Variants in THAP6 observed in about 807,000 individuals in gnomAD.
The protein encoded by THAP6 is THAP domain-containing protein 6.
A neutral mutation model predicts 20.0 loss-of-function variants in THAP6; 13 were observed. The observed-to-expected ratio is 0.65, with a 90% CI of 0.42 to 1.03. THAP6 has a LOEUF of 1.03. Ranked by LOEUF, THAP6 falls within the 50% of genes least tolerant of loss-of-function variation. THAP6 has a pLI of 0.00. For missense variants in THAP6, 262 were observed against 261.6 expected (o/e 1.00, Z -0.01); for synonymous variants, 93 against 92.2 (o/e 1.01, Z -0.05).
At position 75,529,080 on chromosome 4, in the gene THAP6, A is replaced by G; in HGVS notation, c.*1866A>G. ...AAAAACAAAACTACTTTCATTAATT[A>G]CCCATTATTTATTTTAGTTACTTAA... On this transcript the variant is annotated 3_prime_UTR_variant, in exon 5 of 5. Coordinates refer to ENST00000311638, the MANE Select transcript of THAP6 (RefSeq NM_144721.6). The G allele has an allele frequency of 4.2e-6, 4 of 954,704 alleles. No individual in the cohort carries two copies. The highest frequency in any genetic ancestry group is 5.0e-6 in the Non-Finnish European group (4 of 802,098). The allele number at this position is 954,704 out of a possible 1,614,324, so 59.1% of individuals were successfully genotyped here. A position where few individuals can be genotyped will look rare whatever the true frequency, so the allele number is the denominator to read the frequency against.
At chr4:75,514,403 T>C (rs1725344024), upstream of THAP6, 1 of 1,192,348 alleles carries the variant, frequency 8.4e-7, no homozygotes, top group Non-Finnish European at 1.2e-6. Flanking sequence ...AGCGACAATA[T>C]GGCTCCTAAG....
At chr4:75,540,711 C>G (rs1404240353) in intron 2 of THAP6, among the ~76,000 whole-genome samples, 2 of 152,154 alleles carry the variant, frequency 1.3e-5, no homozygotes, top group Non-Finnish European at 2.9e-5. Context: ...CATTCAGCTA[C>G]AGACTTGCCA....
chr4:75,514,263 A>G (rs769018604), upstream of THAP6: 4 of 1,612,594 alleles, frequency 2.5e-6, no homozygotes, highest in Non-Finnish European at 1.7e-6. Flanking sequence ...CGCTGGCGCC[A>G]TCTTCCCGGG....
intron 4 of THAP6, among the ~76,000 whole-genome samples, chr4:75,523,033 G>GT (rs1726129206): frequency 6.6e-6 from 1 of 152,178 alleles, no homozygotes; most frequent in Non-Finnish European, 1.5e-5. Flanking sequence ...CTTCCAAACT[G>GT]TTCTCCATAG....
chr4:75,536,680 G>A (rs1312112378), intron 2 of THAP6, among the ~76,000 whole-genome samples: 1 of 151,976 alleles, frequency 6.6e-6, no homozygotes, highest in Admixed American at 6.6e-5. Context: ...GCTAATTTTT[G>A]TATTTTTTGT....
In THAP6 at chr4:75,529,589, T is replaced by G; in HGVS notation, c.*2375T>G. On this transcript the variant is annotated 3_prime_UTR_variant, in exon 5 of 5. Transcript: ENST00000311638. The stretch of plus-strand genomic sequence containing the variant: ...CAAACAAATGCCTAAACACAGTATG[T>G]ATCTCAGTCCTCTGTTCCCAGAGAT... 1 of 985,430 alleles carries G rather than the reference T, an allele frequency of 1.0e-6. No homozygotes were observed. Among genetic ancestry groups the G allele is most frequent in the Non-Finnish European group, 1.2e-6 (1 of 829,946 alleles). 61.0% of individuals were successfully genotyped at this position (985,430 alleles called of 1,614,324 possible).
intron 4 of THAP6, among the ~76,000 whole-genome samples, chr4:75,525,241 C>G (rs1726290087): frequency 6.6e-6 from 1 of 151,906 alleles, no homozygotes; most frequent in Non-Finnish European, 1.5e-5. Flanking sequence ...CCAATTTTTC[C>G]CCTCCTTCAG....
Position 75,528,074 on chromosome 4 carries a change from A to T in THAP6, c.*860A>T, listed in dbSNP as rs960239119. On this transcript the variant is annotated 3_prime_UTR_variant, in exon 5 of 5. Coordinates refer to ENST00000311638, the MANE Select transcript of THAP6 (RefSeq NM_144721.6). ...TGTAAAGTAGTATTGCTGACATTTTAAAAAAATACAAAATACAAAAGAAAC... is the reference window on the plus strand; with the variant it reads ...TGTAAAGTAGTATTGCTGACATTTTTAAAAAATACAAAATACAAAAGAAAC... The T allele has an allele frequency of 1.4e-5, 14 of 983,828 alleles. No homozygotes were observed. In the South Asian group the frequency reaches 1.9e-4, roughly 13 times the overall value. The allele number at this position is 983,828 out of a possible 1,614,324, so 60.9% of individuals were successfully genotyped here. A position where few individuals can be genotyped will look rare whatever the true frequency, so the allele number is the denominator to read the frequency against.
chr4:75,528,677 G>A lies in THAP6; in HGVS notation c.*1463G>A, dbSNP rs1235611130. 42 of 984,646 alleles carry A rather than the reference G, an allele frequency of 4.3e-5. No individual in the cohort carries two copies. Among genetic ancestry groups the A allele is most frequent in the East Asian group, 1.1e-4 (1 of 8,806 alleles). 61.0% of individuals were successfully genotyped at this position (984,646 alleles called of 1,614,324 possible). A position where few individuals can be genotyped will look rare whatever the true frequency, so the allele number is the denominator to read the frequency against. On this transcript the variant is annotated 3_prime_UTR_variant, in exon 5 of 5. Coordinates refer to ENST00000311638, the MANE Select transcript of THAP6 (RefSeq NM_144721.6). The stretch of plus-strand genomic sequence containing the variant: ...TAAATGGGATTTAACCCACATCTGC[G>A]AGATCAGCGTTATGCTAAGAGGAAA...
downstream of THAP6, among the ~76,000 whole-genome samples, chr4:75,533,288 C>T (rs2148827354): frequency 6.6e-6 from 1 of 152,324 alleles, no homozygotes; most frequent in East Asian, 1.9e-4. Flanking sequence ...TCAAGAGTCA[C>T]CTTTGCTCCA....
intron 2 of THAP6, among the ~76,000 whole-genome samples, chr4:75,539,636 G>A (rs942652609): frequency 2.0e-5 from 3 of 152,272 alleles, no homozygotes; most frequent in African/African-American, 7.2e-5. Context: ...CAAACCAGCT[G>A]GGGAGAACCA....
Position 75,546,020 on chromosome 4 carries a change from G to GT in THAP6, c.243+3541dup, listed in dbSNP as rs370264630. 5.3e-5 allele frequency among the ~76,000 whole-genome samples: 8 copies of GT among 152,280 alleles called. 1 individual carries two copies. Among genetic ancestry groups the GT allele is most frequent in the Non-Finnish European group, 8.8e-5 (6 of 68,032 alleles). ...TGGCCTAAGAGGTTTCATCTTTAGGGTTTTTTTCCTTCTCAGGCTGCTAGC... is the reference window on the plus strand; with the variant it reads ...TGGCCTAAGAGGTTTCATCTTTAGGGTTTTTTTTCCTTCTCAGGCTGCTAGC... On this transcript the variant is annotated intron_variant, in intron 3 of 4. Transcript: ENST00000502620.
At chr4:75,542,548 A>G in intron 3 of THAP6, 3 of 686,258 alleles carry the variant, frequency 4.4e-6, no homozygotes, top group South Asian at 3.1e-5. Flanking sequence ...CAACAACCCT[A>G]TAAGGTAGGT....
chr4:75,514,986 A>G (rs550963028), intron 1 of THAP6: 123 of 168,088 alleles, frequency 7.3e-4, no homozygotes, highest in African/African-American at 2.7e-3. Context: ...AATCACTGCA[A>G]TAAATGTAAG....
In THAP6 at chr4:75,515,519, CTGACATTTCACG is replaced by C; in HGVS notation, c.70_80+1del. 6.2e-7 allele frequency: 1 copy of C among 1,613,902 alleles called. No individual in the cohort carries two copies. The highest frequency in any genetic ancestry group is 2.2e-5 in the East Asian group (1 of 44,866). On this transcript the variant is annotated inframe_deletion and splice_region_variant, in exon 2 of 5. Coordinates refer to ENST00000311638, the MANE Select transcript of THAP6 (RefSeq NM_144721.6). ...CTTGCCAAATTCGAAGTTAAAAGGA[CTGACATTTCACG>C]TGTAAGATTTTGCTGTAGTTAAGCC...
In THAP6 at chr4:75,521,721, AACTACTC is replaced by A. The variant is rs1232441668; in HGVS notation, c.289-14_289-8del. ...AGTATCTCACTTGATGATTATTATT[AACTACTC>A]TTAACAGGGGAAAAGAGAAAAACTT... On this transcript the variant is annotated splice_region_variant and splice_polypyrimidine_tract_variant and intron_variant, in intron 3 of 4. Coordinates refer to ENST00000311638, the MANE Select transcript of THAP6 (RefSeq NM_144721.6). The A allele has an allele frequency of 6.3e-7, 1 of 1,589,040 alleles. No individual in the cohort carries two copies. Among genetic ancestry groups the A allele is most frequent in the Admixed American group, 1.8e-5 (1 of 55,912 alleles).
chr4:75,518,094 A>G (rs757172080), intron 3 of THAP6, among the ~76,000 whole-genome samples: 42 of 152,332 alleles, frequency 2.8e-4, no homozygotes, highest in Admixed American at 1.2e-3. Context: ...GTGCTAATAA[A>G]TATACAGTAT....
chr4:75,540,369 CAG>C (rs1182569431), intron 2 of THAP6, among the ~76,000 whole-genome samples: 1 of 152,170 alleles, frequency 6.6e-6, no homozygotes, highest in African/African-American at 2.4e-5. Context: ...CTGAACCAGT[CAG>C]AAAGAGTTCA....
chr4:75,533,219 A>G (rs1316307662), downstream of THAP6, among the ~76,000 whole-genome samples: 2 of 152,150 alleles, frequency 1.3e-5, no homozygotes, highest in African/African-American at 4.8e-5. Flanking sequence ...CTCAAGTACA[A>G]AGTTCCACAG....
Sources: gnomAD v4.1 joint callset for allele counts (sites outside exome capture counted in the v4.1 genomes callset) on GRCh38, gnomAD v4.1.1 for gene constraint, MANE v1.5 for transcripts, NCBI Gene and HGNC (gene_info 2026-07-23, HGNC 2026-07-21) for gene names.